Variants in DCTD observed in about 807,000 individuals in gnomAD.
DCTD encodes dCMP deaminase.
Under a neutral mutation model 21.0 loss-of-function variants are expected in DCTD, and 23 were observed. That is an observed-to-expected ratio of 1.09 (90% CI 0.79 to 1.55). The LOEUF (loss-of-function observed/expected upper bound fraction) is 1.55, where lower values mean the gene tolerates loss of function less well. DCTD is among the 40% of genes most tolerant of loss of function. DCTD has a pLI of 0.00. For synonymous variants in DCTD, 71 were observed against 81.1 expected, an observed-to-expected ratio of 0.88 and a Z score of 0.67; for missense variants, 224 against 230.0, an observed-to-expected ratio of 0.97 and a Z score of 0.17.
At chr4:182,908,337 C>T (rs1157836016) in intron 3 of DCTD, among the ~76,000 whole-genome samples, 1 of 152,128 alleles carries the variant, frequency 6.6e-6, no homozygotes, top group Non-Finnish European at 1.5e-5. Context: ...CAGGTAACCA[C>T]ACTGTACAGC....
intron 3 of DCTD, among the ~76,000 whole-genome samples, chr4:182,895,692 C>A (rs79253762): frequency 6.6e-6 from 1 of 152,190 alleles, no homozygotes; most frequent in African/African-American, 2.4e-5. Context: ...CGTCTTGTAT[C>A]GTTACTGAAT....
At position 182,915,049 on chromosome 4, in the gene DCTD, A is replaced by C; in HGVS notation, c.118T>G (p.Cys40Gly). The change falls in exon 3 of 6, where the codon TGC becomes GGC. Residue 40 changes from cysteine (C) to glycine (G), a missense_variant. By Grantham distance (159) the Cys-to-Gly change is radical. Transcript: ENST00000438320. The stretch of plus-strand genomic sequence containing the variant: ...ATCTTGTTTTCTGAATTCACGATGC[A>C]GGCGCCGACCTAGAAGGAAACATGC... ...SKDPNSQVGA[C>G]IVNSENKIVG... 1 of 1,614,222 alleles carries C rather than the reference A, an allele frequency of 6.2e-7. No homozygotes were observed. The highest frequency in any genetic ancestry group is 8.5e-7 in the Non-Finnish European group (1 of 1,180,038).
At chr4:182,904,732 T>A (rs1736363932) in intron 3 of DCTD, among the ~76,000 whole-genome samples, 1 of 151,078 alleles carries the variant, frequency 6.6e-6, no homozygotes, top group Non-Finnish European at 1.5e-5. Flanking sequence ...AAGCTCCAAC[T>A]CCCAGCTCTC....
At chr4:182,909,586 C>T (rs1375619306) in intron 3 of DCTD, among the ~76,000 whole-genome samples, 1 of 152,114 alleles carries the variant, frequency 6.6e-6, no homozygotes, top group Non-Finnish European at 1.5e-5. Flanking sequence ...GACTGACTAA[C>T]GAAACCAGAG....
chr4:182,900,934 C>G (rs1735623072), intron 3 of DCTD, among the ~76,000 whole-genome samples: 2 of 151,348 alleles, frequency 1.3e-5, no homozygotes, highest in Non-Finnish European at 2.9e-5. Flanking sequence ...GGAGAAGAGA[C>G]TGTATAATTA....
intron 3 of DCTD, among the ~76,000 whole-genome samples, chr4:182,903,606 G>A (rs1408947201): frequency 6.6e-6 from 1 of 152,132 alleles, no homozygotes; most frequent in Admixed American, 6.5e-5. Flanking sequence ...CAAGGTCTGG[G>A]GAGAAAGTGG....
Position 182,890,412 on chromosome 4 carries a change from C to T in DCTD, c.*987G>A, listed in dbSNP as rs1733547546. On this transcript the variant is annotated 3_prime_UTR_variant, in exon 6 of 6. Transcript: ENST00000438320. ...GGCACAGAAGAGCTCCGAACACCAA[C>T]AGTGCTGCAGTAAGCTGTCTCCACG... 1 of 152,262 alleles carries T rather than the reference C, an allele frequency of 6.6e-6. No individual in the cohort carries two copies. The highest frequency in any genetic ancestry group is 1.5e-5 in the Non-Finnish European group (1 of 68,054). The allele number at this position is 152,262 out of a possible 1,614,324, so 9.4% of individuals were successfully genotyped here.
intron 5 of DCTD, 109 bp downstream of exon 5, chr4:182,892,922 C>T (rs1734048412): frequency 2.9e-6 from 2 of 685,818 alleles, no homozygotes; most frequent in Non-Finnish European, 5.2e-6. Flanking sequence ...TTTCTAAAGA[C>T]ACCTCCAAGT....
At chr4:182,904,070 C>T (rs981156777) in intron 3 of DCTD, among the ~76,000 whole-genome samples, 34 of 152,016 alleles carry the variant, frequency 2.2e-4, no homozygotes, top group Non-Finnish European at 1.0e-4. Context: ...TTTTCCCTCT[C>T]TCCCACTCTG....
chr4:182,911,604 G>T (rs1366409805), intron 3 of DCTD: 1 of 152,112 alleles, frequency 6.6e-6, no homozygotes, highest in Non-Finnish European at 1.5e-5. Flanking sequence ...CACTGACCTT[G>T]GAATTAGGAG....
intron 3 of DCTD, among the ~76,000 whole-genome samples, chr4:182,901,756 G>T (rs1046107866): frequency 6.8e-6 from 1 of 147,892 alleles, no homozygotes; most frequent in East Asian, 2.0e-4. Context: ...GCATACCCAA[G>T]TTCAAGGTTG....
At position 182,893,080 on chromosome 4, in the gene DCTD, C is replaced by T. The variant is rs1297073291; in HGVS notation, c.409G>A (p.Glu137Lys). Residue 137 changes from glutamate (E) to lysine (K), a missense_variant, in exon 5 of 6, where the codon GAG (glutamate) becomes AAG (lysine). Coordinates refer to ENST00000438320, the MANE Select transcript of DCTD (RefSeq NM_001921.3). The stretch of plus-strand genomic sequence containing the variant: ...AACAGGAGCCTCGCAGCAGTTGCCT[C>T]GTCACTATCATGGTATTTATCAGAC... The part of the protein sequence containing the change: ...FMSDKYHDSD[E>K]ATAARLLFNM... 3.7e-6 allele frequency: 6 copies of T among 1,612,854 alleles called. No individual in the cohort carries two copies. Among genetic ancestry groups the T allele is most frequent in the African/African-American group, 1.3e-5 (1 of 74,990 alleles).
intron 3 of DCTD, among the ~76,000 whole-genome samples, chr4:182,899,308 A>T (rs1735287090): frequency 6.6e-6 from 1 of 151,878 alleles, no homozygotes. Context: ...ACTTTTCTGT[A>T]GGTCCTTTTA....
chr4:182,897,462 G>C (rs948188117), intron 3 of DCTD, among the ~76,000 whole-genome samples: 1 of 150,098 alleles, frequency 6.7e-6, no homozygotes, highest in Non-Finnish European at 1.5e-5. Context: ...TGAATAACTG[G>C]AATCTGCATT....
At chr4:182,903,277 C>T (rs1247164508) in intron 3 of DCTD, among the ~76,000 whole-genome samples, 2 of 152,178 alleles carry the variant, frequency 1.3e-5, no homozygotes, top group Non-Finnish European at 2.9e-5. Context: ...GCGCTTCTGC[C>T]TCCCCGATCA....
At chr4:182,905,640 C>G (rs1291063265) in intron 3 of DCTD, among the ~76,000 whole-genome samples, 1 of 152,114 alleles carries the variant, frequency 6.6e-6, no homozygotes, top group Non-Finnish European at 1.5e-5. Context: ...TCTCACGGGC[C>G]CTTCTTTCTC....
chr4:182,899,414 T>TTTTTA (rs1735325865), intron 3 of DCTD, among the ~76,000 whole-genome samples: 2 of 151,780 alleles, frequency 1.3e-5, no homozygotes, highest in Non-Finnish European at 1.5e-5. Flanking sequence ...TCTTTTTTTT[T>TTTTTA]TAGATGGAGT....
At chr4:182,902,121 C>G (rs555668308) in intron 3 of DCTD, among the ~76,000 whole-genome samples, 1 of 152,266 alleles carries the variant, frequency 6.6e-6, no homozygotes, top group African/African-American at 2.4e-5. Context: ...CTGACAGGGC[C>G]TCATATGTCA....
At chr4:182,916,664 G>A (rs1738791392) in intron 1 of DCTD, 1 of 1,008,952 alleles carries the variant, frequency 9.9e-7, no homozygotes, top group Admixed American at 5.9e-5. Flanking sequence ...AATCAGCCTG[G>A]TTTCCCACCT....
Sources: gnomAD v4.1 joint callset for allele counts (sites outside exome capture counted in the v4.1 genomes callset) on GRCh38, gnomAD v4.1.1 for gene constraint, MANE v1.5 for transcripts, NCBI Gene and HGNC (gene_info 2026-07-23, HGNC 2026-07-21) for gene names.